The following ATP9B variants were observed in gnomAD, a reference collection of about 807,000 sequenced individuals.
The protein encoded by ATP9B is ATPase phospholipid transporting 9B.
ATP9B carries 110 observed loss-of-function variants against 146.1 expected under a neutral mutation model. The observed-to-expected ratio is 0.75, with a 90% CI of 0.65 to 0.88. The LOEUF (loss-of-function observed/expected upper bound fraction) is 0.88, where lower values mean the gene tolerates loss of function less well. ATP9B is among the 40% of genes least tolerant of loss of function. The pLI is 0.00. For missense variants in ATP9B, 1,499 were observed against 1,496.4 expected, an observed-to-expected ratio of 1.00 and a Z score of -0.03; for synonymous variants, 604 against 569.7, an observed-to-expected ratio of 1.06 and a Z score of -0.86.
intron 1 of ATP9B, among the ~76,000 whole-genome samples, chr18:79,074,887 CACATAGTTT>C (rs1336416515): frequency 3.3e-5 from 5 of 152,328 alleles, no homozygotes; most frequent in African/African-American, 9.6e-5. Context: ...TGGTAACATA[CACATAGTTT>C]ATAAAGTTAA....
At chr18:79,371,557 A>G (rs533662510) in intron 26 of ATP9B, among the ~76,000 whole-genome samples, 1 of 152,312 alleles carries the variant, frequency 6.6e-6, no homozygotes, top group African/African-American at 2.4e-5. Context: ...TTAAACTACA[A>G]CTAGAATTAT....
At chr18:79,124,347 T>G (rs968132042) in intron 4 of ATP9B, among the ~76,000 whole-genome samples, 1 of 152,220 alleles carries the variant, frequency 6.6e-6, no homozygotes, top group African/African-American at 2.4e-5. Flanking sequence ...GAATTATATA[T>G]CAACAAAGCT....
intron 7 of ATP9B, among the ~76,000 whole-genome samples, chr18:79,156,841 T>C (rs543128979): frequency 6.6e-5 from 10 of 152,268 alleles, no homozygotes; most frequent in African/African-American, 2.4e-4. Flanking sequence ...GCTGCCTTCA[T>C]AGTTTGTCAC....
At chr18:79,375,028 G>A (rs140552772) in intron 28 of ATP9B, among the ~76,000 whole-genome samples, 10 of 152,308 alleles carry the variant, frequency 6.6e-5, no homozygotes, top group East Asian at 1.9e-4. Context: ...GTAGTAACAC[G>A]CTTACATACA....
At chr18:79,350,432 G>A (rs971010630) in intron 25 of ATP9B, among the ~76,000 whole-genome samples, 3 of 152,214 alleles carry the variant, frequency 2.0e-5, no homozygotes, top group African/African-American at 7.2e-5. Context: ...GGAAAGCGCC[G>A]TCATCGGCCC....
chr18:79,146,749 AGT>A, intron 6 of ATP9B: 1 of 160,098 alleles, frequency 6.2e-6, no homozygotes, highest in Non-Finnish European at 1.4e-5. Flanking sequence ...TTCGTTCCTA[AGT>A]GCTCTCATCT....
At chr18:79,113,080 G>C (rs1455245597) in intron 3 of ATP9B, among the ~76,000 whole-genome samples, 161 bp from the exon 4 acceptor site, 2 of 152,136 alleles carry the variant, frequency 1.3e-5, no homozygotes, top group African/African-American at 2.4e-5. Context: ...ACAGCTATTA[G>C]AAAGCCAATG....
At chr18:79,129,943 T>C (rs573544462) in intron 5 of ATP9B, among the ~76,000 whole-genome samples, 13 of 152,306 alleles carry the variant, frequency 8.5e-5, no homozygotes, top group African/African-American at 3.1e-4. Flanking sequence ...GGTTTCGCCA[T>C]GTTGGCCAGG....
intron 12 of ATP9B, 103 bp from the exon 13 acceptor site, chr18:79,276,951 G>A (rs2096317140): frequency 6.6e-7 from 1 of 1,518,990 alleles, no homozygotes; most frequent in African/African-American, 1.4e-5. Flanking sequence ...ACATGGGTCT[G>A]GATCACACTA....
At chr18:79,332,204 C>T (rs1053908816) in intron 17 of ATP9B, among the ~76,000 whole-genome samples, 6 of 152,098 alleles carry the variant, frequency 3.9e-5, no homozygotes, top group East Asian at 1.9e-4. Flanking sequence ...CCAAGGCGGG[C>T]AGATCACGAG....
intron 11 of ATP9B, among the ~76,000 whole-genome samples, chr18:79,215,905 G>T (rs966422383): frequency 6.6e-6 from 1 of 152,100 alleles, no homozygotes; most frequent in African/African-American, 2.4e-5. Flanking sequence ...GGCCAGGCTG[G>T]TTTCAAACTC....
chr18:79,311,081 G>A (rs2096650070), intron 15 of ATP9B, among the ~76,000 whole-genome samples: 1 of 151,850 alleles, frequency 6.6e-6, no homozygotes, highest in African/African-American at 2.4e-5. Context: ...GAACCCAGGA[G>A]GCGGAGGTTG....
At chr18:79,286,055 G>C (rs1449865487) in intron 13 of ATP9B, among the ~76,000 whole-genome samples, 1 of 151,586 alleles carries the variant, frequency 6.6e-6, no homozygotes, top group African/African-American at 2.4e-5. Flanking sequence ...GTAGCATGAT[G>C]CCTCCAGCTT....
At chr18:79,348,246 TTGA>T in intron 25 of ATP9B, 50 bp downstream of exon 25, 2 of 1,136,586 alleles carry the variant, frequency 1.8e-6, no homozygotes, top group Non-Finnish European at 2.4e-6. Context: ...GACTTCTATT[TTGA>T]AAAAAAAAAA....
intron 17 of ATP9B, 81 bp from the exon 18 acceptor site, chr18:79,336,545 CAG>C (rs2096828114): frequency 3.9e-6 from 5 of 1,279,266 alleles, no homozygotes; most frequent in Non-Finnish European, 5.6e-6. Context: ...CACCAGCAAT[CAG>C]AGTGTGGCAC....
At chr18:79,250,232 T>G (rs750790941) in intron 11 of ATP9B, among the ~76,000 whole-genome samples, 1 of 152,244 alleles carries the variant, frequency 6.6e-6, no homozygotes, top group Non-Finnish European at 1.5e-5. Context: ...TGTCCTGGCT[T>G]TTACAGTTCC....
intron 11 of ATP9B, among the ~76,000 whole-genome samples, chr18:79,224,809 G>A (rs1448490583): frequency 1.3e-5 from 2 of 152,328 alleles, no homozygotes; most frequent in East Asian, 3.9e-4. Context: ...AGCACCAGCT[G>A]CTCCACCCTG....
intron 24 of ATP9B, 30 bp downstream of exon 24, chr18:79,347,955 G>A (rs1568780005): frequency 6.2e-7 from 1 of 1,606,772 alleles, no homozygotes; most frequent in African/African-American, 1.4e-5. Context: ...GGCACCCATG[G>A]AGGGCAGGGT....
chr18:79,092,493 T>G (rs2074411200), intron 1 of ATP9B, among the ~76,000 whole-genome samples: 1 of 152,168 alleles, frequency 6.6e-6, no homozygotes, highest in East Asian at 1.9e-4. Flanking sequence ...ACTTTGTAAT[T>G]TTTTTAATTT....
Sources: gnomAD v4.1 joint callset for allele counts (sites outside exome capture counted in the v4.1 genomes callset) on GRCh38, gnomAD v4.1.1 for gene constraint, MANE v1.5 for transcripts, NCBI Gene and HGNC (gene_info 2026-07-23, HGNC 2026-07-21) for gene names.